SNTN: variants seen among roughly 807,000 people sequenced by gnomAD.
SNTN encodes the protein sentan, cilia apical structure protein.
SNTN carries 13 observed loss-of-function variants against 12.3 expected under a neutral mutation model. That is an observed-to-expected ratio of 1.05 (90% CI 0.69 to 1.67). SNTN has a LOEUF of 1.67. Ranked by LOEUF, SNTN falls within the 40% of genes most tolerant of loss-of-function variation. The pLI is 0.00. For missense variants in SNTN, 189 were observed against 169.8 expected (o/e 1.11, Z -0.63); for synonymous variants, 69 against 58.5 (o/e 1.18, Z -0.82).
chr3:63,654,394 T>C (rs1326065242), intron 1 of SNTN, among the ~76,000 whole-genome samples: 4 of 152,180 alleles, frequency 2.6e-5, no homozygotes, highest in African/African-American at 9.6e-5. Context: ...GATCAGCATG[T>C]GGCTTCTAAA....
At chr3:63,653,855 C>G (rs539635974) in intron 1 of SNTN, among the ~76,000 whole-genome samples, 1 of 152,226 alleles carries the variant, frequency 6.6e-6, no homozygotes, top group African/African-American at 2.4e-5. Flanking sequence ...CTCCAAGGCT[C>G]AATATGCCCT....
intron 2 of SNTN, among the ~76,000 whole-genome samples, chr3:63,658,291 A>G (rs1038216300): frequency 1.3e-5 from 2 of 151,452 alleles, no homozygotes; most frequent in African/African-American, 4.9e-5. Flanking sequence ...ATATTAATCT[A>G]CTCACGGAGG....
rs558205190 is a variant in SNTN at position 63,654,191 on chromosome 3, C to T, written c.111-571C>T. On this transcript the variant is annotated intron_variant, in intron 1 of 3. Transcript: ENST00000343837. The stretch of plus-strand genomic sequence containing the variant: ...AGGGTAGGAATGTCTCTATCAGTCA[C>T]TCATGCATCCCACACCTCAGCATAA... Among the ~76,000 whole-genome samples, 27 of 152,344 alleles carry T rather than the reference C, an allele frequency of 1.8e-4. 1 individual carries two copies. In the South Asian group the frequency reaches 5.6e-3, roughly 32 times the overall value.
In SNTN at chr3:63,665,008, C is replaced by T. The variant is rs1700788207; in HGVS notation, c.*913C>T. ...TGACCTCAGGTGATCCGCCCACAGCCTCCCAAAGTGCTGGGATTACAGGCT... is the reference window on the plus strand; with the variant it reads ...TGACCTCAGGTGATCCGCCCACAGCTTCCCAAAGTGCTGGGATTACAGGCT... On this transcript the variant is annotated 3_prime_UTR_variant, in exon 4 of 4. Transcript: ENST00000343837. Among the ~76,000 whole-genome samples the T allele has an allele frequency of 6.6e-6, 1 of 152,110 alleles. No individual in the cohort carries two copies. The highest frequency in any genetic ancestry group is 2.1e-4 in the South Asian group (1 of 4,824).
intron 2 of SNTN, among the ~76,000 whole-genome samples, chr3:63,656,214 G>T (rs1700678356): frequency 6.6e-6 from 1 of 152,202 alleles, no homozygotes; most frequent in Admixed American, 6.5e-5. Context: ...GAGATTTAGT[G>T]TTCCACATTC....
Position 63,664,024 on chromosome 3 carries a change from A to G in SNTN, c.373A>G (p.Ile125Val), listed in dbSNP as rs774938904. The G allele has an allele frequency of 6.2e-6, 10 of 1,613,986 alleles. No individual in the cohort carries two copies. The highest frequency in any genetic ancestry group is 1.7e-4 in the Middle Eastern group (1 of 6,060). Residue 125 changes from isoleucine to valine, a missense_variant, in exon 4 of 4, where the codon ATC becomes GTC. By Grantham distance (29) the Ile-to-Val change is conservative. Coordinates refer to ENST00000343837, the MANE Select transcript of SNTN (RefSeq NM_001080537.2). ...ENKLDFEDFM[I>V]LLLSITVMSD... ...TAAGCTAGATTTTGAAGACTTCATG[A>G]TCTTGCTCTTAAGCATCACTGTCAT...
chr3:63,652,705 C>G lies in SNTN; in HGVS notation c.18C>G (p.His6Gln). 1 of 1,613,926 alleles carries G rather than the reference C, an allele frequency of 6.2e-7. No homozygotes were observed. Among genetic ancestry groups the G allele is most frequent in the South Asian group, 1.1e-5 (1 of 91,056 alleles). Residue 6 changes from histidine (H) to glutamine (Q), a missense_variant, in exon 1 of 4, where the codon CAC becomes CAG. Coordinates refer to ENST00000343837, the MANE Select transcript of SNTN (RefSeq NM_001080537.2). MGGCMHSTQDKSLHLE... is the reference protein window; with the variant it reads MGGCMQSTQDKSLHLE... ...ATGAGAGAATGGGTGGCTGTATGCA[C>G]AGTACCCAGGACAAATCTCTCCACT... is the stretch of plus-strand genomic sequence containing the variant.
intron 3 of SNTN, 119 bp downstream of exon 3, chr3:63,659,983 A>G: frequency 2.5e-6 from 3 of 1,205,076 alleles, no homozygotes; most frequent in Non-Finnish European, 3.5e-6. Flanking sequence ...TGTTTATTGA[A>G]CACCTACCTT....
chr3:63,657,117 C>A (rs1381905067), intron 2 of SNTN, among the ~76,000 whole-genome samples: 1 of 152,166 alleles, frequency 6.6e-6, no homozygotes, highest in Non-Finnish European at 1.5e-5. Context: ...CACTGCCCTA[C>A]GCCCCAGAAC....
chr3:63,656,389 T>C (rs1413662381), intron 2 of SNTN, among the ~76,000 whole-genome samples: 1 of 152,184 alleles, frequency 6.6e-6, no homozygotes, highest in Admixed American at 6.5e-5. Context: ...CAATGTGCTA[T>C]ACAGTATAGC....
intron 1 of SNTN, among the ~76,000 whole-genome samples, chr3:63,653,150 A>C (rs7617152): frequency 0.048 from 7,313 of 152,262 alleles, 563 homozygotes; most frequent in African/African-American, 0.17. Context: ...TTAATAAGTG[A>C]AAAATGTTCT....
At chr3:63,663,316 A>G (rs1236425007) in intron 3 of SNTN, among the ~76,000 whole-genome samples, 1 of 152,344 alleles carries the variant, frequency 6.6e-6, no homozygotes, top group Admixed American at 6.5e-5. Flanking sequence ...TAATAGTGGT[A>G]TATATTCAAT....
chr3:63,654,837 C>T, intron 2 of SNTN, 41 bp downstream of exon 2: 1 of 1,577,446 alleles, frequency 6.3e-7, no homozygotes, highest in Non-Finnish European at 8.7e-7. Context: ...TTCTCCTCTA[C>T]CAAGATGGCA....
intron 3 of SNTN, among the ~76,000 whole-genome samples, chr3:63,660,413 C>G (rs1393928661): frequency 6.6e-6 from 1 of 152,104 alleles, no homozygotes; most frequent in African/African-American, 2.4e-5. Context: ...TAAGAAATTA[C>G]ACCAGCTGCA....
intron 3 of SNTN, among the ~76,000 whole-genome samples, chr3:63,660,261 G>C (rs1700729226): frequency 1.3e-5 from 2 of 152,104 alleles, no homozygotes; most frequent in South Asian, 4.1e-4. Context: ...GCAGAGATCT[G>C]GAGGGCCAGT....
At chr3:63,655,007 A>G (rs1355739236) in intron 2 of SNTN, among the ~76,000 whole-genome samples, 1 of 152,192 alleles carries the variant, frequency 6.6e-6, no homozygotes, top group African/African-American at 2.4e-5. Context: ...CAGTTCATTA[A>G]AGACAGAGCT....
chr3:63,659,996 G>T, intron 3 of SNTN, 132 bp downstream of exon 3: 1 of 1,044,822 alleles, frequency 9.6e-7, no homozygotes, highest in Admixed American at 2.1e-5. Context: ...CCTACCTTAT[G>T]CCAGGCAGTG....
At chr3:63,658,594 G>T (rs184747183) in intron 2 of SNTN, among the ~76,000 whole-genome samples, 4 of 151,864 alleles carry the variant, frequency 2.6e-5, no homozygotes, top group African/African-American at 9.7e-5. Flanking sequence ...TAGGGACAAG[G>T]GTCTTGCTAT....
intron 1 of SNTN, among the ~76,000 whole-genome samples, chr3:63,653,133 G>A (rs1700638630): frequency 1.3e-5 from 2 of 152,138 alleles, no homozygotes; most frequent in African/African-American, 4.8e-5. Context: ...AATGTGTAAA[G>A]TTATGTTTAA....
Sources: gnomAD v4.1 joint callset for allele counts (sites outside exome capture counted in the v4.1 genomes callset) on GRCh38, gnomAD v4.1.1 for gene constraint, MANE v1.5 for transcripts, NCBI Gene and HGNC (gene_info 2026-07-23, HGNC 2026-07-21) for gene names.